The following NREP variants were observed in gnomAD, a reference collection of about 807,000 sequenced individuals.
The protein encoded by NREP is neuronal regeneration related protein.
NREP carries 5 observed loss-of-function variants against 8.6 expected under a neutral mutation model. The ratio of observed to expected loss-of-function variants is 0.58; its 90% confidence interval spans 0.30 to 1.22. The LOEUF (loss-of-function observed/expected upper bound fraction) is 1.22. NREP is among the 50% of genes most tolerant of loss of function. The pLI is 0.07. For missense variants in NREP, 86 were observed against 82.5 expected (o/e 1.04, Z -0.17); for synonymous variants, 27 against 28.0 (o/e 0.96, Z 0.11).
chr5:111,936,682 T>G (rs971748875), intron 2 of NREP, among the ~76,000 whole-genome samples: 4 of 152,086 alleles, frequency 2.6e-5, no homozygotes, highest in African/African-American at 9.7e-5. Context: ...CCCACACAGT[T>G]GTCCCAAATG....
chr5:111,866,951 C>T (rs1419202966), intron 2 of NREP, among the ~76,000 whole-genome samples: 18 of 149,484 alleles, frequency 1.2e-4, no homozygotes, highest in East Asian at 1.2e-3. Flanking sequence ...ACAATGAGAA[C>T]ACATGGACAC....
chr5:111,966,219 T>C (rs1320541651), intron 2 of NREP, among the ~76,000 whole-genome samples: 1 of 152,202 alleles, frequency 6.6e-6, no homozygotes, highest in Non-Finnish European at 1.5e-5. Flanking sequence ...CAGCAAGAAT[T>C]TGTCTTTAAG....
intron 2 of NREP, among the ~76,000 whole-genome samples, chr5:111,897,523 G>A (rs1055631524): frequency 1.3e-5 from 2 of 151,994 alleles, no homozygotes; most frequent in East Asian, 1.9e-4. Context: ...CTGCCAGCTG[G>A]GTTAAACTTG....
chr5:111,891,625 A>G (rs1010984037), intron 2 of NREP, among the ~76,000 whole-genome samples: 2 of 152,196 alleles, frequency 1.3e-5, no homozygotes, highest in African/African-American at 2.4e-5. Context: ...TCATGGTTCT[A>G]TGGACTGTAT....
chr5:111,744,204 G>T lies in NREP; in HGVS notation c.4-8697C>A, dbSNP rs79856286. The stretch of plus-strand genomic sequence containing the variant: ...TTCCATCAATGTATCCTCTTCTACT[G>T]GTAGCTGCAAACCCTTCAGCATTTA... On this transcript the variant is annotated intron_variant, in intron 2 of 3. Coordinates refer to ENST00000257435, the MANE Select transcript of NREP (RefSeq NM_004772.4). Among the ~76,000 whole-genome samples the T allele has an allele frequency of 9.2e-5, 14 of 152,188 alleles. No individual in the cohort carries two copies. In the East Asian group the frequency reaches 2.3e-3, roughly 25 times the overall value.
chr5:111,870,425 G>A (rs1326449566), intron 2 of NREP, among the ~76,000 whole-genome samples: 1 of 152,074 alleles, frequency 6.6e-6, no homozygotes, highest in East Asian at 1.9e-4. Context: ...GCAAGATTCT[G>A]ACTCAAAAAG....
chr5:111,957,511 C>A (rs1390162583), intron 2 of NREP, among the ~76,000 whole-genome samples: 1 of 151,820 alleles, frequency 6.6e-6, no homozygotes. Flanking sequence ...TAGATAACCC[C>A]TATTTTATAA....
chr5:111,883,666 C>A (rs554471599), intron 2 of NREP, among the ~76,000 whole-genome samples: 87 of 152,208 alleles, frequency 5.7e-4, no homozygotes, highest in Admixed American at 4.3e-3. Flanking sequence ...AGGATTAAGA[C>A]ACTCACTCAA....
intron 2 of NREP, among the ~76,000 whole-genome samples, chr5:111,842,909 A>G (rs1199784574): frequency 3.9e-5 from 6 of 152,210 alleles, no homozygotes; most frequent in African/African-American, 1.2e-4. Flanking sequence ...CTTCCTGGCT[A>G]AGAAATCCAC....
At chr5:111,946,902 CA>C (rs1371490078) in intron 2 of NREP, among the ~76,000 whole-genome samples, 2 of 151,822 alleles carry the variant, frequency 1.3e-5, no homozygotes, top group African/African-American at 4.8e-5. Context: ...ATTAGGAAAC[CA>C]AAACCAACCA....
At chr5:111,857,468 A>G (rs1753450562) in intron 2 of NREP, among the ~76,000 whole-genome samples, 1 of 152,194 alleles carries the variant, frequency 6.6e-6, no homozygotes, top group South Asian at 2.1e-4. Context: ...TGAAAAAATG[A>G]AGCATTTTCC....
intron 3 of NREP, among the ~76,000 whole-genome samples, 177 bp from the exon 4 acceptor site, chr5:111,731,223 A>ATAT (rs1250858581): frequency 6.6e-6 from 1 of 152,208 alleles, no homozygotes; most frequent in Non-Finnish European, 1.5e-5. Context: ...CTGAATGTAA[A>ATAT]TATTAGGTCT....
At chr5:111,960,294 C>T (rs1043931227) in intron 2 of NREP, among the ~76,000 whole-genome samples, 2 of 152,174 alleles carry the variant, frequency 1.3e-5, no homozygotes, top group African/African-American at 4.8e-5. Flanking sequence ...TTCCATACCT[C>T]AGCTGTCCCA....
chr5:111,730,823 T>C lies in NREP; in HGVS notation c.*98A>G. 7.2e-7 allele frequency: 1 copy of C among 1,381,436 alleles called. No individual in the cohort carries two copies. The highest frequency in any genetic ancestry group is 9.9e-7 in the Non-Finnish European group (1 of 1,005,478). The allele number at this position is 1,381,436 out of a possible 1,614,324, so 85.6% of individuals were successfully genotyped here. A position where few individuals can be genotyped will look rare whatever the true frequency, so the allele number is the denominator to read the frequency against. Reference sequence around the variant, plus strand: ...AGGCTCAGAGTCCCATAGTTTCTTCTTATACTTGATGATTTACACAGAAAA... The same window carrying C: ...AGGCTCAGAGTCCCATAGTTTCTTCCTATACTTGATGATTTACACAGAAAA... On this transcript the variant is annotated 3_prime_UTR_variant, in exon 4 of 4. Transcript: ENST00000257435.
At chr5:111,876,930 A>G (rs1241921155) in intron 2 of NREP, among the ~76,000 whole-genome samples, 1 of 152,232 alleles carries the variant, frequency 6.6e-6, no homozygotes, top group East Asian at 1.9e-4. Context: ...GTTAAGTGAT[A>G]GAATCAGAAT....
rs577816374 is a variant in NREP, at chr5:111,812,164, G to C, written c.136-76657C>G. On this transcript the variant is annotated intron_variant, in intron 2 of 3. Transcript: ENST00000395634. ...TATCTGGGCCTGGTGGCTCACACCG[G>C]TAGTCCCAGCTAATTGGGAGGCTGA... is the stretch of plus-strand genomic sequence containing the variant. Among the ~76,000 whole-genome samples, 5 of 152,256 alleles carry C rather than the reference G, an allele frequency of 3.3e-5. No homozygotes were observed. In the South Asian group the frequency reaches 1.0e-3, roughly 32 times the overall value.
At chr5:111,862,643 T>C (rs1753575502) in intron 2 of NREP, among the ~76,000 whole-genome samples, 2 of 152,082 alleles carry the variant, frequency 1.3e-5, no homozygotes, top group African/African-American at 2.4e-5. Context: ...ACTTTATTTA[T>C]CCTTCAACTT....
intron 2 of NREP, among the ~76,000 whole-genome samples, chr5:111,965,137 C>G (rs562277372): frequency 1.9e-4 from 29 of 152,132 alleles, no homozygotes; most frequent in Non-Finnish European, 3.4e-4. Flanking sequence ...ATATTATATA[C>G]AATCATGACT....
At chr5:111,898,185 G>C (rs1397048716) in intron 2 of NREP, among the ~76,000 whole-genome samples, 1 of 152,160 alleles carries the variant, frequency 6.6e-6, no homozygotes, top group Non-Finnish European at 1.5e-5. Flanking sequence ...CAATCTGGCT[G>C]TTACGTTGAG....
Sources: allele counts gnomAD v4.1 joint callset (sites outside exome capture counted in the v4.1 genomes callset), GRCh38; gene constraint gnomAD v4.1.1; transcripts MANE v1.5; gene names NCBI Gene and HGNC (gene_info 2026-07-23, HGNC 2026-07-21).